THEMIS: variants seen among roughly 807,000 people sequenced by gnomAD.
THEMIS encodes the protein protein THEMIS.
Under a neutral mutation model 52.6 loss-of-function variants are expected in THEMIS, and 37 were observed. The observed-to-expected ratio is 0.70, with a 90% confidence interval of 0.54 to 0.93. The LOEUF is 0.93. Ranked by LOEUF, THEMIS falls within the 40% of genes least tolerant of loss-of-function variation. The pLI is 0.00. For missense variants in THEMIS, 808 were observed against 763.1 expected (o/e 1.06, Z -0.69); for synonymous variants, 292 against 272.7 (o/e 1.07, Z -0.70).
intron 1 of THEMIS, among the ~76,000 whole-genome samples, chr6:127,895,533 T>C (rs778189188): frequency 2.0e-5 from 3 of 151,542 alleles, no homozygotes; most frequent in Non-Finnish European, 4.4e-5. Context: ...TATAGCAATA[T>C]ATATATACAC....
chr6:127,911,843 C>T (rs764680135), intron 1 of THEMIS, among the ~76,000 whole-genome samples: 30 of 151,676 alleles, frequency 2.0e-4, no homozygotes, highest in Non-Finnish European at 4.3e-4. Flanking sequence ...AGAGTCCCCA[C>T]TGGGACACTG....
At chr6:127,776,832 T>C (rs922786709) in intron 4 of THEMIS, among the ~76,000 whole-genome samples, 2 of 152,244 alleles carry the variant, frequency 1.3e-5, no homozygotes, top group African/African-American at 4.8e-5. Flanking sequence ...TTATTTCATG[T>C]ATCTTAACAT....
intron 4 of THEMIS, among the ~76,000 whole-genome samples, chr6:127,808,325 G>T (rs1777788933): frequency 6.6e-6 from 1 of 152,178 alleles, no homozygotes; most frequent in South Asian, 2.1e-4. Flanking sequence ...AAAAACCCCA[G>T]TGAGTATATG....
chr6:127,795,390 A>G (rs1777293460), intron 4 of THEMIS, among the ~76,000 whole-genome samples: 1 of 152,132 alleles, frequency 6.6e-6, no homozygotes, highest in Non-Finnish European at 1.5e-5. Flanking sequence ...GTGCAGTGGC[A>G]CGATCTCGGC....
At chr6:127,719,642 A>C in intron 5 of THEMIS, 46 bp downstream of exon 5, 1 of 1,507,836 alleles carries the variant, frequency 6.6e-7, no homozygotes, top group Non-Finnish European at 8.9e-7. Flanking sequence ...TGTCATGTGG[A>C]CAGTTAAACC....
intron 4 of THEMIS, among the ~76,000 whole-genome samples, chr6:127,806,590 T>C (rs1217568020): frequency 1.3e-5 from 2 of 152,216 alleles, no homozygotes; most frequent in African/African-American, 4.8e-5. Flanking sequence ...AGAAAATCAG[T>C]ATTTTATTAT....
At chr6:127,845,455 T>C (rs1779181456) in intron 2 of THEMIS, among the ~76,000 whole-genome samples, 1 of 151,906 alleles carries the variant, frequency 6.6e-6, no homozygotes, top group South Asian at 2.1e-4. Context: ...CTTTAACTTG[T>C]ATTCCCATTC....
chr6:127,843,337 C>A (rs1360004338), intron 2 of THEMIS, among the ~76,000 whole-genome samples: 1 of 151,618 alleles, frequency 6.6e-6, no homozygotes, highest in South Asian at 2.1e-4. Context: ...CCTATACATA[C>A]TGTTCATATC....
At chr6:127,803,490 A>T (rs1777603371) in intron 4 of THEMIS, among the ~76,000 whole-genome samples, 1 of 151,980 alleles carries the variant, frequency 6.6e-6, no homozygotes, top group South Asian at 2.1e-4. Flanking sequence ...TTTTCCTGTT[A>T]TACATCCCTA....
intron 5 of THEMIS, among the ~76,000 whole-genome samples, chr6:127,719,405 CACA>C (rs989561301): frequency 2.4e-4 from 36 of 151,840 alleles, no homozygotes; most frequent in Admixed American, 2.4e-3. Flanking sequence ...ATATTATTAT[CACA>C]ACAATACAAG....
intron 4 of THEMIS, among the ~76,000 whole-genome samples, chr6:127,746,403 A>T (rs1775391023): frequency 6.6e-6 from 1 of 151,642 alleles, no homozygotes; most frequent in African/African-American, 2.4e-5. Flanking sequence ...TCTTTACTAT[A>T]TTCCTATAGT....
chr6:127,854,836 T>C (rs1779561602), intron 2 of THEMIS, among the ~76,000 whole-genome samples, 194 bp downstream of exon 2: 1 of 151,888 alleles, frequency 6.6e-6, no homozygotes. Context: ...ATAAACATCT[T>C]TCACTTTAAA....
chr6:127,795,585 C>G (rs1777303144), intron 4 of THEMIS, among the ~76,000 whole-genome samples: 1 of 152,306 alleles, frequency 6.6e-6, no homozygotes, highest in East Asian at 1.9e-4. Context: ...GCCTCGGCCT[C>G]CCAAAGTGCT....
At chr6:127,850,887 A>G (rs1779399405) in intron 2 of THEMIS, among the ~76,000 whole-genome samples, 1 of 151,484 alleles carries the variant, frequency 6.6e-6, no homozygotes, top group African/African-American at 2.4e-5. Flanking sequence ...CTATGGAAAT[A>G]ATAATAATAA....
At chr6:127,855,324 T>C (rs1779583563) in intron 1 of THEMIS, 136 bp from the exon 2 acceptor site, 1 of 720,360 alleles carries the variant, frequency 1.4e-6, no homozygotes, top group Non-Finnish European at 2.1e-6. Context: ...TTAATCAAGC[T>C]TGGCAAAATG....
At chr6:127,760,821 T>C (rs750089001) in intron 4 of THEMIS, among the ~76,000 whole-genome samples, 28 of 152,080 alleles carry the variant, frequency 1.8e-4, no homozygotes, top group Non-Finnish European at 3.8e-4. Flanking sequence ...TAGACATAAA[T>C]GTAAGAACTG....
At chr6:127,877,529 G>T (rs552392214) in intron 1 of THEMIS, among the ~76,000 whole-genome samples, 1 of 152,114 alleles carries the variant, frequency 6.6e-6, no homozygotes, top group South Asian at 2.1e-4. Flanking sequence ...TTTCGATATT[G>T]TTGTGTCTCA....
chr6:127,771,474 G>C (rs148510913), intron 4 of THEMIS, among the ~76,000 whole-genome samples: 1,796 of 152,172 alleles, frequency 0.012, 24 homozygotes, highest in African/African-American at 0.04. Context: ...TAAGCAAAAA[G>C]AAGAAAGCTG....
chr6:127,740,156 C>G (rs1263364519), intron 4 of THEMIS, among the ~76,000 whole-genome samples: 1 of 152,156 alleles, frequency 6.6e-6, no homozygotes, highest in Non-Finnish European at 1.5e-5. Context: ...GCAGTGGCAA[C>G]AGGAACCTAA....
Sources: allele counts gnomAD v4.1 joint callset (sites outside exome capture counted in the v4.1 genomes callset), GRCh38; gene constraint gnomAD v4.1.1; transcripts MANE v1.5; gene names NCBI Gene and HGNC (gene_info 2026-07-23, HGNC 2026-07-21).